The following HIP1 variants were observed in gnomAD, a reference collection of about 807,000 sequenced individuals.
HIP1 encodes huntingtin-interacting protein 1.
In HIP1, 65 loss-of-function variants were observed where a neutral mutation model predicts 147.6. That is an observed-to-expected ratio of 0.44 (90% confidence interval 0.36 to 0.54). The LOEUF is 0.54. HIP1 is among the 20% of genes least tolerant of loss of function. The pLI is 0.00. For synonymous variants in HIP1, 479 were observed against 504.0 expected, an observed-to-expected ratio of 0.95 and a Z score of 0.67; for missense variants, 1,061 against 1,299.6, an observed-to-expected ratio of 0.82 and a Z score of 2.82.
chr7:75,680,428 C>T (rs10247961), intron 1 of HIP1, among the ~76,000 whole-genome samples: 18,617 of 152,046 alleles, frequency 0.12, 1,257 homozygotes, highest in East Asian at 0.2. Flanking sequence ...ACCTCCAATC[C>T]CTGCCAACCC....
intron 12 of HIP1, among the ~76,000 whole-genome samples, chr7:75,561,711 T>C (rs1413805345): frequency 1.3e-5 from 2 of 152,226 alleles, no homozygotes; most frequent in African/African-American, 4.8e-5. Flanking sequence ...GGCACGATCA[T>C]AGCTCACTGC....
intron 1 of HIP1, among the ~76,000 whole-genome samples, chr7:75,641,940 AT>A (rs1447419460): frequency 6.6e-6 from 1 of 152,122 alleles, no homozygotes; most frequent in Non-Finnish European, 1.5e-5. Flanking sequence ...CATCCCTGCG[AT>A]TCTTTCTTGC....
intron 12 of HIP1, among the ~76,000 whole-genome samples, 194 bp downstream of exon 12, chr7:75,561,879 T>G (rs1554494617): frequency 6.6e-6 from 1 of 152,168 alleles, no homozygotes; most frequent in Non-Finnish European, 1.5e-5. Context: ...ACTCCTGGCC[T>G]TAAAAAATCC....
chr7:75,708,599 GA>G (rs1455673044), intron 1 of HIP1, among the ~76,000 whole-genome samples: 2 of 148,610 alleles, frequency 1.3e-5, no homozygotes, highest in South Asian at 2.1e-4. Context: ...ACTATCTGGT[GA>G]AAAAAAAAAG....
chr7:75,561,527 A>G, intron 12 of HIP1, 126 bp from the exon 13 acceptor site: 1 of 709,460 alleles, frequency 1.4e-6, no homozygotes, highest in East Asian at 2.5e-5. Flanking sequence ...AATGCCATAA[A>G]TTATACTCTA....
At position 75,595,253 on chromosome 7, in the gene HIP1, TTC is replaced by T. The variant is rs1796678542; in HGVS notation, c.185-2741_185-2740del. Among the ~76,000 whole-genome samples, 4 of 88,060 alleles carry T rather than the reference TTC, an allele frequency of 4.5e-5. No individual in the cohort carries two copies. The South Asian group carries it at 1.6e-3, about 36-fold the overall frequency. 57.8% of individuals were successfully genotyped at this position (88,060 alleles called of 152,430 possible). A position where few individuals can be genotyped will look rare whatever the true frequency, so the allele number is the denominator to read the frequency against. On this transcript the variant is annotated intron_variant, in intron 2 of 30. Transcript: ENST00000336926. ...CTTTCTTTCTTTCTTTCTTTCTTTC[TTC>T]CTTCCTTCCTTCCTTCCTTCCTTCC...
intron 9 of HIP1, among the ~76,000 whole-genome samples, chr7:75,566,443 C>G (rs781797020): frequency 4.0e-5 from 6 of 151,512 alleles, no homozygotes; most frequent in Non-Finnish European, 7.3e-5. Context: ...TTTATACCCA[C>G]TTTTAATTAT....
intron 1 of HIP1, among the ~76,000 whole-genome samples, chr7:75,674,088 T>A (rs1554515680): frequency 6.6e-6 from 1 of 152,166 alleles, no homozygotes; most frequent in Non-Finnish European, 1.5e-5. Flanking sequence ...ATAGAAAACT[T>A]TGTCATGTTT....
At chr7:75,672,442 G>C (rs1215635657) in intron 1 of HIP1, among the ~76,000 whole-genome samples, 2 of 151,616 alleles carry the variant, frequency 1.3e-5, no homozygotes, top group African/African-American at 4.8e-5. Flanking sequence ...TCCTCCCACT[G>C]CAGCTTCCTA....
chr7:75,691,374 C>T (rs1371039925), intron 1 of HIP1, among the ~76,000 whole-genome samples: 1 of 151,904 alleles, frequency 6.6e-6, no homozygotes, highest in Non-Finnish European at 1.5e-5. Context: ...GCCTGTAATC[C>T]CAGCTACTTG....
intron 1 of HIP1, among the ~76,000 whole-genome samples, chr7:75,691,630 C>G (rs1407847437): frequency 6.6e-6 from 1 of 151,992 alleles, no homozygotes; most frequent in African/African-American, 2.4e-5. Context: ...GAAACCCCAT[C>G]TCTACTAAAA....
chr7:75,550,848 T>G (rs1329526900), intron 22 of HIP1, among the ~76,000 whole-genome samples: 1 of 152,196 alleles, frequency 6.6e-6, no homozygotes, highest in Non-Finnish European at 1.5e-5. Flanking sequence ...ATTCTATGTG[T>G]GAGATTCATC....
rs1277500565 is a variant in HIP1, at chr7:75,617,161, G to A, written c.121-17914C>T. ...GTGATCTCAGCTCACTGCAACCTCCGCCTCCCCGGCTCAAGCGATTCCCTT... is the reference window on the plus strand; with the variant it reads ...GTGATCTCAGCTCACTGCAACCTCCACCTCCCCGGCTCAAGCGATTCCCTT... On this transcript the variant is annotated intron_variant, in intron 1 of 30. Coordinates refer to ENST00000336926, the MANE Select transcript of HIP1 (RefSeq NM_005338.7). 2.1e-5 allele frequency among the ~76,000 whole-genome samples: 3 copies of A among 146,316 alleles called. No individual in the cohort carries two copies. In the Admixed American group the frequency reaches 2.2e-4, roughly 11 times the overall value.
At chr7:75,681,073 G>A (rs1800048781) in intron 1 of HIP1, among the ~76,000 whole-genome samples, 1 of 152,084 alleles carries the variant, frequency 6.6e-6, no homozygotes, top group Non-Finnish European at 1.5e-5. Context: ...ACAGTGCCCA[G>A]CCCAGATTTT....
At chr7:75,602,279 G>A (rs1188282145) in intron 1 of HIP1, among the ~76,000 whole-genome samples, 2 of 148,750 alleles carry the variant, frequency 1.3e-5, no homozygotes, top group African/African-American at 5.0e-5. Flanking sequence ...GGGATTACAG[G>A]CGTGAGCCAC....
chr7:75,583,729 C>T (rs1357116778), intron 5 of HIP1, among the ~76,000 whole-genome samples: 1 of 149,736 alleles, frequency 6.7e-6, no homozygotes, highest in South Asian at 2.1e-4. Context: ...GCTGGTACTA[C>T]AGGCATACAC....
At chr7:75,606,313 G>A (rs1299829502) in intron 1 of HIP1, among the ~76,000 whole-genome samples, 1 of 152,134 alleles carries the variant, frequency 6.6e-6, no homozygotes, top group African/African-American at 2.4e-5. Context: ...CATCCATGGT[G>A]CCTCCAAGAT....
chr7:75,720,767 G>A (rs778181551), intron 1 of HIP1, among the ~76,000 whole-genome samples: 12 of 151,928 alleles, frequency 7.9e-5, no homozygotes, highest in Non-Finnish European at 1.6e-4. Context: ...AGCCGGGTGC[G>A]GTGGCTCACG....
intron 1 of HIP1, among the ~76,000 whole-genome samples, chr7:75,634,856 C>A (rs1270210898): frequency 1.4e-5 from 2 of 147,098 alleles, no homozygotes; most frequent in African/African-American, 5.0e-5. Flanking sequence ...GAGACAATAG[C>A]TTCAGCCCAG....
Sources: gnomAD v4.1 joint callset for allele counts (sites outside exome capture counted in the v4.1 genomes callset) on GRCh38, gnomAD v4.1.1 for gene constraint, MANE v1.5 for transcripts, NCBI Gene and HGNC (gene_info 2026-07-23, HGNC 2026-07-21) for gene names.